The following CEP128 variants were observed in gnomAD, a reference collection of about 807,000 sequenced individuals.
The protein encoded by CEP128 is centrosomal protein 128.
Under a neutral mutation model 156.7 loss-of-function variants are expected in CEP128, and 132 were observed. The ratio of observed to expected loss-of-function variants is 0.84; its 90% CI spans 0.73 to 0.97. The LOEUF (loss-of-function observed/expected upper bound fraction) is 0.97. Among genes scored for constraint, CEP128 ranks in the 50% least tolerant of loss-of-function variants. The probability of loss-of-function intolerance (pLI) is 0.00; values close to 1 mark genes in which losing one functional copy is unlikely to be tolerated. For missense variants in CEP128, 1,252 were observed against 1,281.9 expected (o/e 0.98, Z 0.36); for synonymous variants, 469 against 448.9 (o/e 1.04, Z -0.57).
At chr14:80,696,289 T>C (rs998538967) in intron 19 of CEP128, among the ~76,000 whole-genome samples, 6 of 152,100 alleles carry the variant, frequency 3.9e-5, no homozygotes, top group South Asian at 2.1e-4. Flanking sequence ...CACAATACAT[T>C]TGAGTGACTT....
chr14:80,830,051 T>C (rs1017619181), intron 13 of CEP128: 5 of 397,572 alleles, frequency 1.3e-5, no homozygotes, highest in Non-Finnish European at 2.3e-5. Context: ...TCTTTTTAAA[T>C]ACGTGACTTC....
At chr14:80,568,214 TCTCCTAGGCTTCTA>T (rs1293333306) in intron 20 of CEP128, among the ~76,000 whole-genome samples, 2 of 152,222 alleles carry the variant, frequency 1.3e-5, no homozygotes, top group Non-Finnish European at 2.9e-5. Flanking sequence ...AGGGCACATA[TCTCCTAGGCTTCTA>T]GGTGAAAAAG....
At chr14:80,901,955 T>C (rs1883586228) in intron 6 of CEP128, among the ~76,000 whole-genome samples, 1 of 152,240 alleles carries the variant, frequency 6.6e-6, no homozygotes, top group South Asian at 2.1e-4. Flanking sequence ...CATACTTCTT[T>C]AGCCTCGTGG....
chr14:80,916,441 TC>T lies in CEP128; in HGVS notation c.106del (p.Glu36LysfsTer9). 1 of 1,614,066 alleles carries T rather than the reference TC, an allele frequency of 6.2e-7. No individual in the cohort carries two copies. Among genetic ancestry groups the T allele is most frequent in the Non-Finnish European group, 8.5e-7 (1 of 1,179,954 alleles). ...HRGTRSLPTV[E>X]VTEKVNTITS... is the part of the protein sequence containing the mutation. ...TATAGTGTTGACCTTCTCGGTAACT[TC>T]TACTGTAGGAAGACTTCGAGTTCCC... On this transcript the variant is annotated frameshift_variant, in exon 3 of 25. Transcript: ENST00000555265. LOFTEE classifies it high-confidence loss of function.
At chr14:80,864,211 CTA>C (rs1887658256) in intron 8 of CEP128, among the ~76,000 whole-genome samples, 1 of 152,070 alleles carries the variant, frequency 6.6e-6, no homozygotes, top group African/African-American at 2.4e-5. Flanking sequence ...TGTTAATTGA[CTA>C]TGTTATTGTC....
At chr14:80,713,094 T>C (rs560186620) in intron 19 of CEP128, among the ~76,000 whole-genome samples, 8 of 152,170 alleles carry the variant, frequency 5.3e-5, no homozygotes, top group Admixed American at 3.3e-4. Flanking sequence ...AACAATAAAA[T>C]AGTTATCAAG....
intron 19 of CEP128, among the ~76,000 whole-genome samples, chr14:80,713,865 C>G (rs769195803): frequency 1.3e-5 from 2 of 152,126 alleles, no homozygotes; most frequent in African/African-American, 2.4e-5. Context: ...CACAAAGAAT[C>G]AAGAGTCAGC....
At chr14:80,780,301 C>A (rs1283083669) in intron 15 of CEP128, among the ~76,000 whole-genome samples, 1 of 152,088 alleles carries the variant, frequency 6.6e-6, no homozygotes, top group African/African-American at 2.4e-5. Context: ...TATATTACAT[C>A]TCCTGTGATG....
At position 80,761,376 on chromosome 14, in the gene CEP128, T is replaced by A; in HGVS notation, c.2553+61A>T. On this transcript the variant is annotated intron_variant, in intron 17 of 24. Transcript: ENST00000555265. ...CTGACTACCACACATGAAAATCCTA[T>A]TACAATTATATATTAGGAAACTAAC... The A allele has an allele frequency of 1.6e-6, 2 of 1,213,746 alleles. 1 individual carries two copies. Among genetic ancestry groups the A allele is most frequent in the South Asian group, 3.4e-5 (2 of 58,896 alleles). 75.2% of individuals were successfully genotyped at this position (1,213,746 alleles called of 1,614,324 possible).
chr14:80,609,074 C>A (rs1023908414), intron 19 of CEP128, among the ~76,000 whole-genome samples: 1 of 152,116 alleles, frequency 6.6e-6, no homozygotes, highest in African/African-American at 2.4e-5. Flanking sequence ...TGACTTGGGA[C>A]TATTAGAGAC....
chr14:80,854,868 T>C (rs530848906), intron 9 of CEP128, among the ~76,000 whole-genome samples: 3 of 151,838 alleles, frequency 2.0e-5, no homozygotes, highest in Admixed American at 6.6e-5. Flanking sequence ...GTGTTCAAAA[T>C]AGGTAAAATT....
Position 80,825,433 on chromosome 14 carries a change from A to G in CEP128, c.1209+5710T>C, listed in dbSNP as rs565121095. Among the ~76,000 whole-genome samples, 19 of 152,354 alleles carry G rather than the reference A, an allele frequency of 1.2e-4. 1 individual carries two copies. The highest frequency in any genetic ancestry group is 4.3e-4 in the African/African-American group (18 of 41,594). The stretch of plus-strand genomic sequence containing the variant: ...CCTATTTAATTTATATGTAAAAAAC[A>G]TGAGGCAGAAATTATTACGGTTTCA... On this transcript the variant is annotated intron_variant, in intron 13 of 24. Transcript: ENST00000555265.
At chr14:80,927,515 G>A (rs1885216565) in intron 2 of CEP128, among the ~76,000 whole-genome samples, 1 of 152,192 alleles carries the variant, frequency 6.6e-6, no homozygotes, top group Non-Finnish European at 1.5e-5. Context: ...TTGCAAGACA[G>A]CTAGAGTCAC....
At chr14:80,547,513 C>CT (rs1256897646) in intron 21 of CEP128, among the ~76,000 whole-genome samples, 1 of 152,180 alleles carries the variant, frequency 6.6e-6, no homozygotes, top group Non-Finnish European at 1.5e-5. Flanking sequence ...CCTCTGGCCT[C>CT]TAGACTTCTC....
intron 5 of CEP128, 104 bp from the exon 6 acceptor site, chr14:80,905,035 T>G (rs1883805519): frequency 1.4e-6 from 1 of 718,400 alleles, no homozygotes; most frequent in Admixed American, 2.0e-5. Flanking sequence ...ATACATATAT[T>G]CATGTCCCTA....
At chr14:80,532,571 C>T (rs1219554772) in intron 21 of CEP128, among the ~76,000 whole-genome samples, 1 of 152,128 alleles carries the variant, frequency 6.6e-6, no homozygotes, top group South Asian at 2.1e-4. Context: ...GGGTCTAACC[C>T]TTCCTTACAG....
chr14:80,793,848 G>A (rs1901846459), intron 13 of CEP128, among the ~76,000 whole-genome samples: 1 of 152,056 alleles, frequency 6.6e-6, no homozygotes, highest in Non-Finnish European at 1.5e-5. Context: ...CATATTTTAA[G>A]AATAAGTAAA....
intron 19 of CEP128, among the ~76,000 whole-genome samples, chr14:80,659,658 T>A (rs1895316667): frequency 1.3e-5 from 2 of 152,188 alleles, no homozygotes; most frequent in South Asian, 4.1e-4. Flanking sequence ...ATGGTATTAC[T>A]ATAAAACCTT....
chr14:80,860,620 G>A (rs1887468218), intron 9 of CEP128, among the ~76,000 whole-genome samples: 1 of 150,398 alleles, frequency 6.6e-6, no homozygotes, highest in African/African-American at 2.4e-5. Context: ...AAAAATCAAG[G>A]TTAAAAAAAA....
Sources: gnomAD v4.1 joint callset for allele counts (sites outside exome capture counted in the v4.1 genomes callset) on GRCh38, gnomAD v4.1.1 for gene constraint, MANE v1.5 for transcripts, NCBI Gene and HGNC (gene_info 2026-07-23, HGNC 2026-07-21) for gene names.